NPIPA5: variants seen among roughly 807,000 people sequenced by gnomAD.
NPIPA5 encodes the protein nuclear pore complex interacting protein family member A5.
NPIPA5 carries 6 observed loss-of-function variants against 21.4 expected under a neutral mutation model. That is an observed-to-expected ratio of 0.28 (90% CI 0.15 to 0.55). The LOEUF is 0.55. Ranked by LOEUF, NPIPA5 falls within the 20% of genes least tolerant of loss-of-function variation. NPIPA5 has a pLI of 0.93. For missense variants in NPIPA5, 99 were observed against 318.2 expected, an observed-to-expected ratio of 0.31 and a Z score of 5.24; for synonymous variants, 33 against 115.3, an observed-to-expected ratio of 0.29 and a Z score of 4.57.
chr16:15,372,211 C>T (rs1416611272), intron 2 of NPIPA5, among the ~76,000 whole-genome samples: 3 of 147,496 alleles, frequency 2.0e-5, no homozygotes, highest in Non-Finnish European at 3.0e-5. Context: ...CCCTGGCTCA[C>T]GTGGTGGCTC....
upstream of NPIPA5, among the ~76,000 whole-genome samples, chr16:15,379,987 G>C (rs866070669): frequency 4.2e-3 from 537 of 128,722 alleles, 7 homozygotes; most frequent in African/African-American, 0.017. Flanking sequence ...GTGTGTGTCT[G>C]TGTGTGTGTG....
At chr16:15,369,164 A>AT (rs1361248025) in intron 4 of NPIPA5, among the ~76,000 whole-genome samples, 7 of 149,032 alleles carry the variant, frequency 4.7e-5, no homozygotes, top group African/African-American at 1.5e-4. Context: ...AATTAAAAAA[A>AT]AAAAAAAAAG....
chr16:15,378,972 G>C (rs1445572297), upstream of NPIPA5, among the ~76,000 whole-genome samples: 1 of 141,988 alleles, frequency 7.0e-6, no homozygotes, highest in Admixed American at 7.2e-5. Flanking sequence ...ATGTGTGATG[G>C]GTGGGGAGCT....
rs768895941 is a variant in NPIPA5 at position 15,363,752 on chromosome 16, A to G, written c.960T>C (p.Ala320=). The change falls in exon 8 of 8, where the codon GCT becomes GCC. Residue 320 remains alanine (A), a synonymous_variant. Coordinates refer to ENST00000360151, the MANE Select transcript of NPIPA5 (RefSeq NM_001277325.2). ...TGAGATTATCATCCGCTGAGGGTGG[A>G]GCTGAGGGTGGAAGGGGAGTGAGCA... is the stretch of plus-strand genomic sequence containing the variant. The part of the protein sequence containing the change: ...ECLLTPLPPS[A]PPSADDNLKT... The G allele has an allele frequency of 2.0e-5, 26 of 1,294,370 alleles. 2 individuals carry two copies. Among genetic ancestry groups the G allele is most frequent in the Non-Finnish European group, 2.4e-5 (24 of 988,128 alleles). The allele number at this position is 1,294,370 out of a possible 1,614,324, so 80.2% of individuals were successfully genotyped here.
At chr16:15,381,512 A>G, upstream of NPIPA5, 1 of 968,900 alleles carries the variant, frequency 1.0e-6, no homozygotes, top group Non-Finnish European at 1.2e-6. Flanking sequence ...TTAATCACAC[A>G]AGGCCTTGTC....
intron 1 of NPIPA5, among the ~76,000 whole-genome samples, chr16:15,374,150 A>G (rs1319311928): frequency 1.3e-5 from 2 of 150,004 alleles, no homozygotes; most frequent in South Asian, 4.3e-4. Context: ...TGAGCCACAC[A>G]TAACATACAC....
intron 4 of NPIPA5, among the ~76,000 whole-genome samples, chr16:15,368,446 ATTT>A (rs1449322332): frequency 3.9e-5 from 6 of 152,102 alleles, no homozygotes; most frequent in Non-Finnish European, 7.3e-5. Context: ...ATTGCTAAAT[ATTT>A]TTTAAAAAGT....
upstream of NPIPA5, chr16:15,381,530 G>C (rs1245571154): frequency 2.4e-6 from 2 of 817,388 alleles, no homozygotes; most frequent in African/African-American, 3.7e-5. Context: ...GTCCGCGGCA[G>C]GTGCTCAATA....
intron 2 of NPIPA5, among the ~76,000 whole-genome samples, chr16:15,371,059 A>AAT (rs2050144609): frequency 7.2e-6 from 1 of 138,280 alleles, no homozygotes; most frequent in African/African-American, 2.6e-5. Context: ...AAAAAAAAAA[A>AAT]AAATGACATG....
upstream of NPIPA5, among the ~76,000 whole-genome samples, chr16:15,379,528 C>T (rs1431924720): frequency 3.4e-4 from 52 of 151,450 alleles, no homozygotes; most frequent in Non-Finnish European, 5.3e-4. Flanking sequence ...GATTGCACCA[C>T]TGCACTCCAG....
upstream of NPIPA5, among the ~76,000 whole-genome samples, chr16:15,379,935 C>T (rs1253682313): frequency 6.6e-6 from 1 of 151,334 alleles, no homozygotes; most frequent in African/African-American, 2.4e-5. Flanking sequence ...CAGAGTGAAA[C>T]TCTGTCTCAA....
rs779338592 is a variant in NPIPA5 at position 15,363,672 on chromosome 16, A to G, written c.1040T>C (p.Ile347Thr). 10 of 1,503,282 alleles carry G rather than the reference A, an allele frequency of 6.7e-6. 1 individual carries two copies. The African/African-American group carries it at 1.2e-4, about 19-fold the overall frequency. 93.1% of individuals were successfully genotyped at this position (1,503,282 alleles called of 1,614,324 possible). Residue 347 changes from isoleucine (I) to threonine (T), a missense_variant, in exon 8 of 8, where the codon ATC becomes ACC. Physicochemically the swap from Ile to Thr is moderately conservative, Grantham distance 89. Around this residue, in one of 5 missense-constraint regions of NPIPA5, gnomAD observed 75 missense variants for 138.5 expected, o/e 0.54. Coordinates refer to ENST00000360151, the MANE Select transcript of NPIPA5 (RefSeq NM_001277325.2). ...SLPFHPQRMI[I>T]SRN ...ATTTATTCTTCATTAGTTTCTTGAG[A>G]TTATCATCCGCTGAGGGTGGAAGGG...
chr16:15,379,530 G>A (rs1381313422), upstream of NPIPA5, among the ~76,000 whole-genome samples: 23 of 151,968 alleles, frequency 1.5e-4, no homozygotes, highest in Non-Finnish European at 2.5e-4. Context: ...TTGCACCACT[G>A]CACTCCAGCC....
At chr16:15,380,127 G>T (rs1431236621), upstream of NPIPA5, among the ~76,000 whole-genome samples, 1 of 151,542 alleles carries the variant, frequency 6.6e-6, no homozygotes, top group East Asian at 1.9e-4. Context: ...TTTGTAGACT[G>T]CACAGAGCAT....
chr16:15,375,766 A>G (rs1180863824), intron 1 of NPIPA5, among the ~76,000 whole-genome samples: 3 of 149,266 alleles, frequency 2.0e-5, no homozygotes, highest in Admixed American at 6.7e-5. Context: ...AAAAATTACC[A>G]AGGTGGAGAT....
At chr16:15,380,543 GAAGTCCTGGCCTCTGGTGATCC>G (rs1182048117), upstream of NPIPA5, among the ~76,000 whole-genome samples, 1 of 151,890 alleles carries the variant, frequency 6.6e-6, no homozygotes. Flanking sequence ...GGCTGGTCTC[GAAGTCCTGGCCTCTGGTGATCC>G]ACCAGCCTCA....
chr16:15,379,572 C>T (rs1306050550), upstream of NPIPA5, among the ~76,000 whole-genome samples: 1 of 150,242 alleles, frequency 6.7e-6, no homozygotes, highest in Non-Finnish European at 1.5e-5. Context: ...GTCTCAAAAA[C>T]AGCAACAACT....
chr16:15,368,357 T>C (rs367793), intron 4 of NPIPA5, among the ~76,000 whole-genome samples: 59 of 152,138 alleles, frequency 3.9e-4, no homozygotes, highest in East Asian at 9.6e-4. Context: ...GCAGCCTGTA[T>C]GGAGGACCCC....
chr16:15,377,024 A>T (rs1445624195), intron 1 of NPIPA5, among the ~76,000 whole-genome samples: 1 of 151,910 alleles, frequency 6.6e-6, no homozygotes, highest in Admixed American at 6.6e-5. Flanking sequence ...AAATCAAATG[A>T]CATTTCACTT....
Sources: allele counts gnomAD v4.1 joint callset (sites outside exome capture counted in the v4.1 genomes callset), GRCh38; gene constraint gnomAD v4.1.1; regional missense constraint gnomAD v4.1.1; transcripts MANE v1.5; gene names NCBI Gene and HGNC (gene_info 2026-07-23, HGNC 2026-07-21).